ATAD2B: variants seen among roughly 807,000 people sequenced by gnomAD.
ATAD2B encodes ATPase family AAA domain containing 2B, also known as ATPase family AAA domain-containing protein 2B.
In ATAD2B, 40 loss-of-function variants were observed where a neutral mutation model predicts 167.6. The observed-to-expected ratio is 0.24, with a 90% CI of 0.19 to 0.31. The LOEUF (loss-of-function observed/expected upper bound fraction) is 0.31, where lower values mean the gene tolerates loss of function less well. Ranked by LOEUF, ATAD2B falls within the 10% of genes least tolerant of loss-of-function variation. The pLI, the probability that ATAD2B is intolerant of heterozygous loss-of-function variation, is 1.00. For missense variants in ATAD2B, 1,242 were observed against 1,757.2 expected, an observed-to-expected ratio of 0.71 and a Z score of 5.24; for synonymous variants, 579 against 596.5, an observed-to-expected ratio of 0.97 and a Z score of 0.43.
At chr2:23,759,626 G>A (rs886245368) in intron 24 of ATAD2B, among the ~76,000 whole-genome samples, 10 of 152,228 alleles carry the variant, frequency 6.6e-5, no homozygotes, top group East Asian at 1.9e-4. Flanking sequence ...CAAAATTCAG[G>A]TTATTGAGTC....
At chr2:23,818,137 CA>C (rs1686802754) in intron 17 of ATAD2B, among the ~76,000 whole-genome samples, 1 of 133,640 alleles carries the variant, frequency 7.5e-6, no homozygotes, top group Non-Finnish European at 1.6e-5. Context: ...CACACACACA[CA>C]CACAGAGAGA....
intron 21 of ATAD2B, among the ~76,000 whole-genome samples, chr2:23,785,104 G>T (rs1680625607): frequency 6.6e-6 from 1 of 151,994 alleles, no homozygotes. Context: ...AGACTTGCCA[G>T]GGGGGAGGAA....
At chr2:23,708,307 A>G in the ATAD2B span, 1 of 152,218 alleles carries the variant, frequency 6.6e-6, no homozygotes, top group Non-Finnish European at 1.5e-5. Flanking sequence ...CATTTAAAGT[A>G]TTTATGTCAA....
In ATAD2B at chr2:23,880,758, A is replaced by G; in HGVS notation, c.785-3T>C. 6.6e-7 allele frequency: 1 copy of G among 1,526,356 alleles called. No individual in the cohort carries two copies. 94.6% of individuals were successfully genotyped at this position (1,526,356 alleles called of 1,614,324 possible). ...ATCTCCATCCTCCTCTTGAGATTCT[A>G]GTTTCCCACACACAAAAAGAAAAGA... On this transcript the variant is annotated splice_polypyrimidine_tract_variant and splice_region_variant and intron_variant, in intron 6 of 27. Transcript: ENST00000238789.
At chr2:23,715,645 T>C in the ATAD2B span, among the ~76,000 whole-genome samples, 2 of 152,204 alleles carry the variant, frequency 1.3e-5, no homozygotes, top group Non-Finnish European at 2.9e-5. Flanking sequence ...TTGGTATTAA[T>C]AGACAGCTAA....
chr2:23,726,118 T>G, the ATAD2B span, among the ~76,000 whole-genome samples: 1 of 152,336 alleles, frequency 6.6e-6, no homozygotes, highest in South Asian at 2.1e-4. Context: ...CACATTCATT[T>G]TATATTTGTA....
rs749085487 is a variant in ATAD2B, at chr2:23,895,983, G to A, written c.217-13C>T. 2 of 1,600,166 alleles carry A rather than the reference G, an allele frequency of 1.2e-6. No homozygotes were observed. The highest frequency in any genetic ancestry group is 3.4e-5 in the Admixed American group (2 of 59,316). On this transcript the variant is annotated splice_polypyrimidine_tract_variant and intron_variant, in intron 1 of 27. Transcript: ENST00000238789. ...CAACTTCAACTTTCTGAAAGACAAT[G>A]TTAAAAATGTATTTATTATTCCTAT...
intron 22 of ATAD2B, among the ~76,000 whole-genome samples, chr2:23,776,972 T>C (rs1010386725): frequency 6.6e-6 from 1 of 152,154 alleles, no homozygotes; most frequent in Non-Finnish European, 1.5e-5. Context: ...ATGACTGTAT[T>C]TGGAGACAAG....
the ATAD2B span, among the ~76,000 whole-genome samples, chr2:23,715,357 A>G: frequency 6.6e-6 from 1 of 152,098 alleles, no homozygotes; most frequent in African/African-American, 2.4e-5. Flanking sequence ...GTGGATCACA[A>G]GGTCAGGAGA....
the ATAD2B span, among the ~76,000 whole-genome samples, chr2:23,732,035 T>C: frequency 6.6e-6 from 1 of 151,644 alleles, no homozygotes; most frequent in Non-Finnish European, 1.5e-5. Context: ...TTGTAAAGAA[T>C]CTTCAAAATT....
chr2:23,712,774 C>CA, the ATAD2B span, among the ~76,000 whole-genome samples: 215 of 147,644 alleles, frequency 1.5e-3, no homozygotes, highest in African/African-American at 3.8e-3. Flanking sequence ...GATCTCTTTA[C>CA]AAAAAAAAAA....
At chr2:23,723,893 G>T in the ATAD2B span, among the ~76,000 whole-genome samples, 1 of 152,092 alleles carries the variant, frequency 6.6e-6, no homozygotes, top group South Asian at 2.1e-4. Flanking sequence ...AACAACAGAT[G>T]AATAAAGAAA....
the ATAD2B span, among the ~76,000 whole-genome samples, chr2:23,699,025 CACTT>C: frequency 3.9e-5 from 6 of 152,230 alleles, no homozygotes; most frequent in African/African-American, 1.2e-4. Flanking sequence ...TCCAAAAAGA[CACTT>C]ACTCCATTGC....
At chr2:23,745,419 A>AGGAAGGAAGGAAGGAG (rs1674807839), downstream of ATAD2B, among the ~76,000 whole-genome samples, 1 of 128,146 alleles carries the variant, frequency 7.8e-6, no homozygotes, top group Non-Finnish European at 1.6e-5. Context: ...GAAGGAAGGA[A>AGGAAGGAAGGAAGGAG]GGAAAGGGAA....
At chr2:23,780,235 A>AGCC (rs879667289) in intron 22 of ATAD2B, among the ~76,000 whole-genome samples, 9,731 of 151,152 alleles carry the variant, frequency 0.064, 401 homozygotes, top group African/African-American at 0.12. Flanking sequence ...GCAACAGAAC[A>AGCC]AGATGCTGTC....
chr2:23,845,772 G>A (rs1176546552), intron 13 of ATAD2B, among the ~76,000 whole-genome samples: 1 of 150,608 alleles, frequency 6.6e-6, no homozygotes, highest in Admixed American at 6.6e-5. Context: ...TAGAGACTGG[G>A]TTTCACTATG....
At chr2:23,746,623 T>G (rs1674896563), downstream of ATAD2B, among the ~76,000 whole-genome samples, 1 of 151,960 alleles carries the variant, frequency 6.6e-6, no homozygotes, top group Admixed American at 6.6e-5. Flanking sequence ...ATAACAGGAA[T>G]GGAGAAAGGG....
intron 12 of ATAD2B, among the ~76,000 whole-genome samples, chr2:23,862,390 T>C (rs998989083): frequency 3.3e-5 from 5 of 149,404 alleles, no homozygotes; most frequent in Non-Finnish European, 7.4e-5. Context: ...AGTGAATTTA[T>C]ATTTGGACTG....
In ATAD2B at chr2:23,880,713, T is replaced by C; in HGVS notation, c.827A>G (p.Glu276Gly). ...ATATGGTCTATCATTTTCTTCTCCT[T>C]CTGCCTCTTCAACTTCTATATCTCC... ...EDGDIEVEEA[E>G]GEENDRPYNL... is the part of the protein sequence containing the mutation. Residue 276 changes from glutamate to glycine, a missense_variant, in exon 7 of 28, where the codon GAA (glutamate) becomes GGA (glycine). By Grantham distance (98) the Glu-to-Gly change is moderately conservative. Transcript: ENST00000238789. 1 of 1,610,500 alleles carries C rather than the reference T, an allele frequency of 6.2e-7. No homozygotes were observed. The highest frequency in any genetic ancestry group is 8.5e-7 in the Non-Finnish European group (1 of 1,177,962).
Sources: gnomAD v4.1 joint callset for allele counts (sites outside exome capture counted in the v4.1 genomes callset) on GRCh38, gnomAD v4.1.1 for gene constraint, MANE v1.5 for transcripts, NCBI Gene and HGNC (gene_info 2026-07-23, HGNC 2026-07-21) for gene names.